RHOBTB1: variants seen among roughly 807,000 people sequenced by gnomAD.
RHOBTB1 encodes rho-related BTB domain-containing protein 1.
A neutral mutation model predicts 71.6 loss-of-function variants in RHOBTB1; 40 were observed. The observed-to-expected ratio is 0.56, with a 90% confidence interval of 0.43 to 0.73. The LOEUF is 0.73. Among genes scored for constraint, RHOBTB1 ranks in the 30% least tolerant of loss-of-function variants. The probability of loss-of-function intolerance (pLI) is 0.00; values close to 1 mark genes in which losing one functional copy is unlikely to be tolerated. For synonymous variants in RHOBTB1, 319 were observed against 334.9 expected (o/e 0.95, Z 0.52); for missense variants, 797 against 894.0 (o/e 0.89, Z 1.38).
chr10:60,874,820 T>C (rs1331278779), intron 9 of RHOBTB1, 134 bp downstream of exon 9: 1 of 662,428 alleles, frequency 1.5e-6, no homozygotes, highest in East Asian at 2.7e-5. Context: ...TCAGATCTTC[T>C]TAGTGTACAC....
At chr10:60,917,281 C>G (rs1459819233) in intron 2 of RHOBTB1, among the ~76,000 whole-genome samples, 1 of 152,118 alleles carries the variant, frequency 6.6e-6, no homozygotes, top group African/African-American at 2.4e-5. Flanking sequence ...GTCTGCCTGG[C>G]AAATTCTATT....
At chr10:60,992,978 A>G (rs561501495) in intron 1 of RHOBTB1, among the ~76,000 whole-genome samples, 2 of 152,318 alleles carry the variant, frequency 1.3e-5, no homozygotes, top group South Asian at 4.1e-4. Context: ...TATCCAAGGA[A>G]ACTAAGGTTA....
intron 4 of RHOBTB1, among the ~76,000 whole-genome samples, chr10:60,900,621 C>G (rs1415468528): frequency 1.3e-5 from 2 of 152,036 alleles, no homozygotes; most frequent in Non-Finnish European, 2.9e-5. Flanking sequence ...AACAGGCCCT[C>G]AATTAATTTT....
chr10:60,924,371 G>A (rs1404829496), intron 2 of RHOBTB1, among the ~76,000 whole-genome samples: 1 of 152,100 alleles, frequency 6.6e-6, no homozygotes, highest in East Asian at 1.9e-4. Flanking sequence ...ATTTATATCA[G>A]ATAAGATAGA....
At chr10:60,881,265 A>G (rs61853329) in intron 7 of RHOBTB1, among the ~76,000 whole-genome samples, 2,178 of 152,236 alleles carry the variant, frequency 0.014, 28 homozygotes, top group South Asian at 0.041. Flanking sequence ...AAATTACCCT[A>G]TCTCTGGTAT....
chr10:60,942,722 G>T (rs1450065789), intron 1 of RHOBTB1, among the ~76,000 whole-genome samples: 13 of 152,058 alleles, frequency 8.5e-5, no homozygotes, highest in Admixed American at 4.6e-4. Context: ...TTCTAAACAG[G>T]GTTTGTAAAC....
intron 2 of RHOBTB1, among the ~76,000 whole-genome samples, chr10:60,933,459 C>T (rs370963506): frequency 1.3e-5 from 2 of 152,130 alleles, no homozygotes; most frequent in Non-Finnish European, 1.5e-5. Context: ...CGGTGGCTCA[C>T]GCCTGTAATC....
chr10:60,893,515 AT>A, intron 4 of RHOBTB1, among the ~76,000 whole-genome samples: 1 of 152,320 alleles, frequency 6.6e-6, no homozygotes, highest in South Asian at 2.1e-4. Context: ...CTTCCCACTT[AT>A]GCACACATGT....
chr10:60,956,567 C>T (rs2134456969), intron 2 of RHOBTB1, among the ~76,000 whole-genome samples: 1 of 152,176 alleles, frequency 6.6e-6, no homozygotes, highest in Admixed American at 6.5e-5. Flanking sequence ...AATACAAACA[C>T]ATTTAGCTGT....
intron 5 of RHOBTB1, 31 bp from the exon 6 acceptor site, chr10:60,889,216 AGCCTTGTTTTAGG>A: frequency 6.4e-7 from 1 of 1,559,012 alleles, no homozygotes; most frequent in Admixed American, 2.0e-5. Context: ...AATTATAATC[AGCCTTGTTTTAGG>A]AAAAAAACAG....
intron 5 of RHOBTB1, 84 bp downstream of exon 5, chr10:60,892,726 G>C: frequency 8.2e-7 from 1 of 1,215,992 alleles, no homozygotes; most frequent in South Asian, 1.5e-5. Context: ...GTGTTGAAGA[G>C]CAGAACACCA....
chr10:60,984,421 A>G (rs1021169941), intron 2 of RHOBTB1, among the ~76,000 whole-genome samples: 3 of 152,234 alleles, frequency 2.0e-5, no homozygotes, highest in African/African-American at 7.2e-5. Flanking sequence ...TTTAAAAATG[A>G]AAGACTACAG....
intron 2 of RHOBTB1, among the ~76,000 whole-genome samples, chr10:60,975,711 G>A (rs1897363): frequency 0.54 from 81,976 of 151,828 alleles, 22,421 homozygotes; most frequent in East Asian, 0.77. Context: ...GAACAAAATG[G>A]TTTTTCAGTT....
intron 7 of RHOBTB1, among the ~76,000 whole-genome samples, chr10:60,884,379 G>C (rs2081469622): frequency 6.6e-6 from 1 of 152,066 alleles, no homozygotes; most frequent in African/African-American, 2.4e-5. Context: ...AAACTGGGTG[G>C]GTGTACCCAT....
chr10:60,885,992 T>G, intron 7 of RHOBTB1, 120 bp downstream of exon 7: 1 of 741,314 alleles, frequency 1.3e-6, no homozygotes, highest in Admixed American at 2.0e-5. Flanking sequence ...AACAGTATGA[T>G]GACCACTCAT....
intron 2 of RHOBTB1, among the ~76,000 whole-genome samples, chr10:60,933,739 T>C (rs142263901): frequency 5.9e-5 from 9 of 152,208 alleles, no homozygotes; most frequent in African/African-American, 2.2e-4. Context: ...ATATCACTAT[T>C]TGTGGAAACA....
rs773760392 is a variant in RHOBTB1 at position 60,871,455 on chromosome 10, T to G, written c.*27A>C. 4.5e-5 allele frequency: 73 copies of G among 1,607,632 alleles called. No individual in the cohort carries two copies. The highest frequency in any genetic ancestry group is 5.9e-5 in the Non-Finnish European group (69 of 1,177,084). ...GTGGATCAGATTACCGATTGGTTTC[T>G]GTTTTTTGTTTTTTTTCTCTTCCTC... On this transcript the variant is annotated 3_prime_UTR_variant, in exon 11 of 11. Transcript: ENST00000337910.
chr10:60,905,833 C>A (rs896799576), intron 4 of RHOBTB1, among the ~76,000 whole-genome samples: 6 of 152,148 alleles, frequency 3.9e-5, no homozygotes, highest in African/African-American at 1.2e-4. Context: ...GACACACTCA[C>A]TGATCCTTAC....
the RHOBTB1 span, among the ~76,000 whole-genome samples, chr10:60,862,806 CTTTCT>C: frequency 7.5e-6 from 1 of 133,902 alleles, no homozygotes; most frequent in Admixed American, 8.2e-5. Context: ...CTTTCTTTTC[CTTTCT>C]TTTCTCTCTT....
Sources: allele counts gnomAD v4.1 joint callset (sites outside exome capture counted in the v4.1 genomes callset), GRCh38; gene constraint gnomAD v4.1.1; transcripts MANE v1.5; gene names NCBI Gene and HGNC (gene_info 2026-07-23, HGNC 2026-07-21).